Variants in B3GALT1 observed in about 807,000 individuals in gnomAD.
B3GALT1 encodes the protein beta-1,3-galactosyltransferase 1, also known as UDP-Gal:betaGlcNAc beta 1,3-galactosyltransferase, polypeptide 1.
In B3GALT1, 10 loss-of-function variants were observed where a neutral mutation model predicts 23.2. The observed-to-expected ratio is 0.43, with a 90% confidence interval of 0.27 to 0.73. The LOEUF (loss-of-function observed/expected upper bound fraction) is 0.73. Ranked by LOEUF, B3GALT1 falls within the 30% of genes least tolerant of loss-of-function variation. B3GALT1 has a pLI of 0.21. For missense variants in B3GALT1, 299 were observed against 405.4 expected (o/e 0.74, Z 2.25); for synonymous variants, 156 against 141.5 (o/e 1.10, Z -0.73).
intron 2 of B3GALT1, among the ~76,000 whole-genome samples, chr2:167,588,407 G>A (rs1290906563): frequency 6.6e-6 from 1 of 152,120 alleles, no homozygotes; most frequent in Non-Finnish European, 1.5e-5. Flanking sequence ...TATATAAAAT[G>A]CTGAAAGACT....
At chr2:167,361,715 C>T (rs1215645229) in intron 1 of B3GALT1, among the ~76,000 whole-genome samples, 1 of 152,208 alleles carries the variant, frequency 6.6e-6, no homozygotes, top group African/African-American at 2.4e-5. Flanking sequence ...CACCAATCAA[C>T]ACTTATTCCT....
At chr2:167,803,946 G>A (rs1688693418) in intron 3 of B3GALT1, among the ~76,000 whole-genome samples, 2 of 152,050 alleles carry the variant, frequency 1.3e-5, no homozygotes, top group Admixed American at 1.3e-4. Context: ...TTTTTTCCAG[G>A]GGAATATGTA....
Position 167,766,349 on chromosome 2 carries a change from G to A in B3GALT1, c.-351-52323G>A, listed in dbSNP as rs1445908694. On this transcript the variant is annotated intron_variant, in intron 3 of 4. Coordinates refer to ENST00000392690, the MANE Select transcript of B3GALT1 (RefSeq NM_020981.4). ...AAAGAAAAACCTTTCTGTAGAAATC[G>A]TAGCCACATAGGAAAATCACGTGTA... Among the ~76,000 whole-genome samples, 6 of 152,094 alleles carry A rather than the reference G, an allele frequency of 3.9e-5. No homozygotes were observed. In the South Asian group the frequency reaches 8.3e-4, roughly 21 times the overall value.
chr2:167,599,682 C>T (rs1441143593), intron 2 of B3GALT1, among the ~76,000 whole-genome samples: 3 of 152,180 alleles, frequency 2.0e-5, no homozygotes, highest in African/African-American at 7.2e-5. Context: ...TTTCATTTTA[C>T]ATCTTATACC....
chr2:167,642,223 T>C (rs1376377993), intron 2 of B3GALT1, among the ~76,000 whole-genome samples: 3 of 152,066 alleles, frequency 2.0e-5, no homozygotes, highest in Admixed American at 1.3e-4. Flanking sequence ...AATTCTAGAA[T>C]GAAAAAGGGT....
intron 1 of B3GALT1, among the ~76,000 whole-genome samples, chr2:167,384,019 T>G (rs566572983): frequency 6.6e-6 from 1 of 152,340 alleles, no homozygotes; most frequent in African/African-American, 2.4e-5. Flanking sequence ...TACACATACA[T>G]GGCTAGAGAC....
At chr2:167,664,161 G>C (rs1686127597) in intron 3 of B3GALT1, among the ~76,000 whole-genome samples, 1 of 149,900 alleles carries the variant, frequency 6.7e-6, no homozygotes, top group Non-Finnish European at 1.5e-5. Context: ...AAGGGATCCA[G>C]TTTCAGCTTT....
chr2:167,297,877 A>AGG (rs889072824), intron 1 of B3GALT1, among the ~76,000 whole-genome samples: 1 of 152,134 alleles, frequency 6.6e-6, no homozygotes, highest in Non-Finnish European at 1.5e-5. Context: ...ACAATAGTGC[A>AGG]GGGTACATCA....
intron 2 of B3GALT1, among the ~76,000 whole-genome samples, chr2:167,525,774 A>ATT (rs58757694): frequency 1.2e-3 from 170 of 145,216 alleles, no homozygotes; most frequent in Middle Eastern, 3.7e-3. Context: ...CACCTGGCTA[A>ATT]TTTTTTTTTT....
chr2:167,356,643 T>C (rs1305391411), intron 1 of B3GALT1, among the ~76,000 whole-genome samples: 1 of 152,126 alleles, frequency 6.6e-6, no homozygotes, highest in African/African-American at 2.4e-5. Context: ...TATATTTTAT[T>C]TAATATATGC....
intron 1 of B3GALT1, among the ~76,000 whole-genome samples, chr2:167,379,168 G>A (rs1433015002): frequency 1.3e-5 from 2 of 151,982 alleles, no homozygotes; most frequent in African/African-American, 4.8e-5. Context: ...TTCATAAGGG[G>A]GCAGGAAGGA....
intron 2 of B3GALT1, among the ~76,000 whole-genome samples, chr2:167,621,915 GC>G (rs1558927515): frequency 6.6e-6 from 1 of 151,996 alleles, no homozygotes; most frequent in East Asian, 1.9e-4. Flanking sequence ...AGCCTTCCCA[GC>G]CATGCAGAAC....
At chr2:167,533,487 G>T (rs994288894) in intron 2 of B3GALT1, among the ~76,000 whole-genome samples, 16 of 151,970 alleles carry the variant, frequency 1.1e-4, no homozygotes, top group African/African-American at 3.9e-4. Flanking sequence ...ATTCAACCTT[G>T]CATTACAGTG....
chr2:167,773,288 A>G (rs1465702796), intron 3 of B3GALT1, among the ~76,000 whole-genome samples: 1 of 152,192 alleles, frequency 6.6e-6, no homozygotes, highest in Non-Finnish European at 1.5e-5. Flanking sequence ...TTGTGTATAT[A>G]TGTATGTATA....
intron 1 of B3GALT1, among the ~76,000 whole-genome samples, chr2:167,447,328 C>T (rs1435727314): frequency 6.6e-6 from 1 of 152,224 alleles, no homozygotes; most frequent in Non-Finnish European, 1.5e-5. Context: ...CTTGAGGAGG[C>T]ATTCTGTCTG....
At chr2:167,432,946 C>G (rs1698726893) in intron 1 of B3GALT1, among the ~76,000 whole-genome samples, 1 of 152,172 alleles carries the variant, frequency 6.6e-6, no homozygotes, top group African/African-American at 2.4e-5. Flanking sequence ...CACCCAAATT[C>G]TGTGGTTTAC....
At chr2:167,713,231 A>G (rs577071311) in intron 3 of B3GALT1, among the ~76,000 whole-genome samples, 2 of 152,358 alleles carry the variant, frequency 1.3e-5, no homozygotes, top group South Asian at 4.1e-4. Flanking sequence ...TGATAACTCT[A>G]CTGCAAGAAC....
intron 3 of B3GALT1, among the ~76,000 whole-genome samples, chr2:167,792,215 C>A (rs1295203467): frequency 1.3e-5 from 2 of 152,104 alleles, no homozygotes; most frequent in African/African-American, 4.8e-5. Flanking sequence ...AACTTAAGCC[C>A]TCTTGAGCTA....
intron 1 of B3GALT1, among the ~76,000 whole-genome samples, chr2:167,296,643 A>T (rs188125893): frequency 6.6e-6 from 1 of 152,210 alleles, no homozygotes; most frequent in Non-Finnish European, 1.5e-5. Flanking sequence ...CTAATCTATT[A>T]TTATGATACT....
Sources: allele counts gnomAD v4.1 joint callset (sites outside exome capture counted in the v4.1 genomes callset), GRCh38; gene constraint gnomAD v4.1.1; transcripts MANE v1.5; gene names NCBI Gene and HGNC (gene_info 2026-07-23, HGNC 2026-07-21).